NBN: variants seen among roughly 807,000 people sequenced by gnomAD.
NBN encodes the protein Nijmegen breakage syndrome 1 (nibrin).
A neutral mutation model predicts 90.8 loss-of-function variants in NBN; 88 were observed. The observed-to-expected ratio is 0.97, with a 90% CI of 0.82 to 1.16. NBN has a LOEUF of 1.16. NBN is among the 50% of genes most tolerant of loss of function. NBN has a pLI of 0.00. For synonymous variants in NBN, 328 were observed against 295.1 expected, an observed-to-expected ratio of 1.11 and a Z score of -1.14; for missense variants, 894 against 869.6, an observed-to-expected ratio of 1.03 and a Z score of -0.35.
In NBN at chr8:89,948,546, T is replaced by G. The variant is rs181582053; in HGVS notation, c.1846-654A>C. 3.3e-5 allele frequency among the ~76,000 whole-genome samples: 5 copies of G among 152,122 alleles called. No individual in the cohort carries two copies. In the East Asian group the frequency reaches 9.7e-4, roughly 30 times the overall value. ...ATGTCCTAGACGGAACAATATTACA[T>G]AAATGGGTAATGATTTCAGTAAAAA... is the stretch of plus-strand genomic sequence containing the variant. On this transcript the variant is annotated intron_variant, in intron 11 of 15. Transcript: ENST00000265433.
intron 9 of NBN, among the ~76,000 whole-genome samples, chr8:89,956,393 T>C (rs571275137): frequency 3.5e-4 from 53 of 152,134 alleles, no homozygotes; most frequent in African/African-American, 1.2e-3. Context: ...ATAAAAAACA[T>C]ACGGTTGTAA....
intron 1 of NBN, 159 bp downstream of exon 1, chr8:89,984,366 A>C: frequency 2.8e-6 from 2 of 706,494 alleles, no homozygotes; most frequent in Non-Finnish European, 5.0e-6. Context: ...CTGCCCGGGA[A>C]GAATATGCGC....
At position 89,980,729 on chromosome 8, in the gene NBN, C is replaced by T. The variant is rs753578226; in HGVS notation, c.480+5G>A. The T allele has an allele frequency of 6.2e-7, 1 of 1,606,728 alleles. No homozygotes were observed. The highest frequency in any genetic ancestry group is 1.1e-5 in the South Asian group (1 of 90,918). On this transcript the variant is annotated splice_donor_5th_base_variant and intron_variant, in intron 4 of 15. Coordinates refer to ENST00000265433, the MANE Select transcript of NBN (RefSeq NM_002485.5). Reference sequence around the variant, plus strand: ...TTTAACATAAGAACAAGACATTCAACCTACTTTAATGGTAACTTTCACTGA... The same window carrying T: ...TTTAACATAAGAACAAGACATTCAATCTACTTTAATGGTAACTTTCACTGA...
chr8:89,975,296 G>C (rs538047124), intron 5 of NBN, among the ~76,000 whole-genome samples: 1 of 152,230 alleles, frequency 6.6e-6, no homozygotes, highest in South Asian at 2.1e-4. Flanking sequence ...TTTAAATCCA[G>C]GACTAGCAGT....
chr8:89,950,786 A>G (rs1160521241), intron 11 of NBN, among the ~76,000 whole-genome samples: 1 of 152,126 alleles, frequency 6.6e-6, no homozygotes, highest in Non-Finnish European at 1.5e-5. Flanking sequence ...GATGGCTCCC[A>G]TGTCAAGGGT....
chr8:89,981,409 C>T lies in NBN; in HGVS notation c.286G>A (p.Gly96Ser), dbSNP rs730882133. 4.3e-6 allele frequency: 7 copies of T among 1,613,910 alleles called. No homozygotes were observed. In the Admixed American group the frequency reaches 6.7e-5, roughly 15 times the overall value. Residue 96 changes from glycine (G) to serine (S), a missense_variant, in exon 3 of 16, where the codon GGT becomes AGT. Transcript: ENST00000265433. ...GFSRTLKSGD[G>S]ITFGVFGSKF... ...CTTCCAAACACTCCAAAAGTAATAC[C>T]ATCCCCCGACTTCAAAGTTCGGGAA...
chr8:89,983,581 G>T (rs1375862171), intron 1 of NBN, among the ~76,000 whole-genome samples: 2 of 152,190 alleles, frequency 1.3e-5, no homozygotes, highest in Non-Finnish European at 2.9e-5. Flanking sequence ...TAAGATGCAC[G>T]TGTACATTTT....
chr8:89,967,025 TA>T (rs1487040223), intron 7 of NBN, among the ~76,000 whole-genome samples: 1 of 152,238 alleles, frequency 6.6e-6, no homozygotes, highest in African/African-American at 2.4e-5. Context: ...GGTCCTCGAA[TA>T]ACATCATTTC....
intron 9 of NBN, among the ~76,000 whole-genome samples, chr8:89,956,122 G>A (rs1810704290): frequency 2.0e-5 from 3 of 150,364 alleles, no homozygotes; most frequent in Admixed American, 6.6e-5. Flanking sequence ...CATGCACAGA[G>A]TATACTTTTA....
At chr8:89,981,325 T>G in intron 3 of NBN, 50 bp downstream of exon 3, 2 of 1,537,076 alleles carry the variant, frequency 1.3e-6, no homozygotes, top group Non-Finnish European at 1.8e-6. Context: ...CCTTTAGGAT[T>G]TGGCTGAAAC....
At chr8:89,949,790 A>T (rs1008005468) in intron 11 of NBN, among the ~76,000 whole-genome samples, 8 of 152,182 alleles carry the variant, frequency 5.3e-5, no homozygotes, top group African/African-American at 1.9e-4. Flanking sequence ...GCCTTCAAAA[A>T]ATCGCCAAAA....
chr8:89,951,997 C>G (rs1239487432), intron 11 of NBN, among the ~76,000 whole-genome samples: 1 of 152,162 alleles, frequency 6.6e-6, no homozygotes, highest in African/African-American at 2.4e-5. Context: ...CCTTAGAAAA[C>G]AGGGAGGAAT....
chr8:89,963,016 G>A (rs1386065227), intron 8 of NBN, among the ~76,000 whole-genome samples: 1 of 152,124 alleles, frequency 6.6e-6, no homozygotes, highest in Non-Finnish European at 1.5e-5. Context: ...CCTCATCTAC[G>A]AAAAGTAGAT....
intron 5 of NBN, among the ~76,000 whole-genome samples, chr8:89,976,588 G>A (rs1811769145): frequency 1.3e-5 from 2 of 152,116 alleles, no homozygotes; most frequent in Admixed American, 6.6e-5. Context: ...CTGAATAAAT[G>A]ACCACAGCAA....
chr8:89,984,433 G>C, intron 1 of NBN, 92 bp downstream of exon 1: 1 of 1,229,208 alleles, frequency 8.1e-7, no homozygotes, highest in African/African-American at 1.5e-5. Flanking sequence ...CCCCGGGCAG[G>C]AACGGACGCG....
intron 12 of NBN, among the ~76,000 whole-genome samples, chr8:89,947,334 A>G (rs1810236074): frequency 6.6e-6 from 1 of 152,158 alleles, no homozygotes; most frequent in African/African-American, 2.4e-5. Context: ...CATGGTTATA[A>G]TACGATCTAT....
chr8:89,943,519 T>C (rs1294223041), intron 13 of NBN, 153 bp from the exon 14 acceptor site: 3 of 272,678 alleles, frequency 1.1e-5, no homozygotes. Flanking sequence ...AACTCTGTTC[T>C]AAACCCATCT....
intron 11 of NBN, among the ~76,000 whole-genome samples, chr8:89,951,043 G>A (rs1329528624): frequency 6.6e-6 from 1 of 151,996 alleles, no homozygotes; most frequent in Non-Finnish European, 1.5e-5. Flanking sequence ...GGTGGGGGTA[G>A]CTACTTAAAA....
At chr8:89,983,143 A>G (rs953445414) in intron 1 of NBN, among the ~76,000 whole-genome samples, 54 of 152,214 alleles carry the variant, frequency 3.5e-4, no homozygotes, top group Admixed American at 3.5e-3. Flanking sequence ...CTAAACAGAT[A>G]GAAGGCTACA....
Sources: allele counts gnomAD v4.1 joint callset (sites outside exome capture counted in the v4.1 genomes callset), GRCh38; gene constraint gnomAD v4.1.1; transcripts MANE v1.5; gene names NCBI Gene and HGNC (gene_info 2026-07-23, HGNC 2026-07-21).